KDM4B: variants seen among roughly 807,000 people sequenced by gnomAD.
The protein encoded by KDM4B is lysine demethylase 4B.
KDM4B carries 32 observed loss-of-function variants against 125.2 expected under a neutral mutation model. The observed-to-expected ratio is 0.26, with a 90% CI of 0.19 to 0.34. The LOEUF is 0.34. Among genes scored for constraint, KDM4B ranks in the 10% least tolerant of loss-of-function variants. KDM4B has a pLI of 1.00. For synonymous variants in KDM4B, 721 were observed against 677.9 expected, an observed-to-expected ratio of 1.06 and a Z score of -0.99; for missense variants, 1,190 against 1,577.7, an observed-to-expected ratio of 0.75 and a Z score of 4.16.
intron 11 of KDM4B, among the ~76,000 whole-genome samples, chr19:5,128,526 A>T (rs971202672): frequency 7.9e-5 from 12 of 152,154 alleles, no homozygotes; most frequent in Non-Finnish European, 1.8e-4. Flanking sequence ...TGGACGAAGG[A>T]ATATTGGATT....
At chr19:5,106,933 C>T (rs983635573) in intron 9 of KDM4B, among the ~76,000 whole-genome samples, 2 of 152,162 alleles carry the variant, frequency 1.3e-5, no homozygotes, top group African/African-American at 2.4e-5. Flanking sequence ...AGAGGCTGAC[C>T]CCAAGGCAGG....
chr19:5,128,793 G>A (rs978196188), intron 11 of KDM4B, among the ~76,000 whole-genome samples: 7 of 147,328 alleles, frequency 4.8e-5, no homozygotes, highest in African/African-American at 1.5e-4. Flanking sequence ...CCTGTCTGCT[G>A]TGTCCAGTGT....
At chr19:4,988,618 A>G (rs1469792969) in intron 1 of KDM4B, among the ~76,000 whole-genome samples, 1 of 152,144 alleles carries the variant, frequency 6.6e-6, no homozygotes, top group Non-Finnish European at 1.5e-5. Context: ...GCACCTCTCA[A>G]AACTCAGGGG....
chr19:4,975,695 C>T (rs2145293599), intron 1 of KDM4B, among the ~76,000 whole-genome samples: 1 of 150,734 alleles, frequency 6.6e-6, no homozygotes, highest in African/African-American at 2.4e-5. Context: ...CGGATTCAAG[C>T]GATTCTCCTA....
intron 1 of KDM4B, among the ~76,000 whole-genome samples, chr19:4,974,919 CTTTCTTCCTCCT>C (rs941624204): frequency 5.3e-5 from 8 of 152,184 alleles, no homozygotes; most frequent in African/African-American, 1.9e-4. Flanking sequence ...CCTTTCCTCC[CTTTCTTCCTCCT>C]GCACCTGCTC....
chr19:5,017,076 C>G (rs1321284924), intron 2 of KDM4B, among the ~76,000 whole-genome samples: 1 of 152,226 alleles, frequency 6.6e-6, no homozygotes, highest in Non-Finnish European at 1.5e-5. Flanking sequence ...TGCGGCGTCG[C>G]CCTTGGATTG....
At chr19:5,026,333 TTTTTGA>T (rs1260796913) in intron 2 of KDM4B, among the ~76,000 whole-genome samples, 1 of 151,942 alleles carries the variant, frequency 6.6e-6, no homozygotes, top group East Asian at 1.9e-4. Context: ...CCTTAAAATG[TTTTTGA>T]GATGATCTGG....
At chr19:5,137,844 G>T in intron 17 of KDM4B, 118 bp from the exon 18 acceptor site, 2 of 1,062,794 alleles carry the variant, frequency 1.9e-6, no homozygotes, top group South Asian at 3.0e-5. Context: ...CGCCTGCACC[G>T]ACCTTCCTGA....
intron 11 of KDM4B, among the ~76,000 whole-genome samples, chr19:5,128,817 C>T (rs1278638496): frequency 1.4e-5 from 2 of 145,428 alleles, no homozygotes; most frequent in Non-Finnish European, 3.0e-5. Flanking sequence ...CCTCCCCTGG[C>T]CAGATAACAG....
At chr19:5,045,632 G>A (rs2037001969) in intron 5 of KDM4B, among the ~76,000 whole-genome samples, 1 of 151,302 alleles carries the variant, frequency 6.6e-6, no homozygotes, top group Admixed American at 6.6e-5. Flanking sequence ...CCACCACCAC[G>A]CCCAGCTAAT....
chr19:5,136,925 G>C (rs545885064), intron 15 of KDM4B, among the ~76,000 whole-genome samples: 14 of 152,288 alleles, frequency 9.2e-5, no homozygotes, highest in Admixed American at 3.9e-4. Context: ...GCTGCTGTTG[G>C]GGGTGCAGAC....
Position 5,144,853 on chromosome 19 carries a change from A to G in KDM4B, c.2972A>G (p.Asn991Ser), listed in dbSNP as rs774443281. ...ELVELRWTDG[N>S]LYKAKFISSV... ...GTGGAGCTCCGGTGGACTGACGGCAACCTCTACAAGGCCAAGTTCATCTCC... is the reference window on the plus strand; with the variant it reads ...GTGGAGCTCCGGTGGACTGACGGCAGCCTCTACAAGGCCAAGTTCATCTCC... The change falls in exon 21 of 23, where the codon AAC becomes AGC. Residue 991 changes from asparagine (N) to serine (S), a missense_variant. Around this residue, in one of 7 missense-constraint regions of KDM4B, gnomAD observed 298 missense variants for 439.7 expected, o/e 0.68. Transcript: ENST00000159111. 5.6e-6 allele frequency: 9 copies of G among 1,612,834 alleles called. No homozygotes were observed. In the East Asian group the frequency reaches 1.6e-4, roughly 28 times the overall value.
chr19:5,041,044 T>C (rs1052274588), intron 4 of KDM4B, 93 bp from the exon 5 acceptor site: 77 of 781,102 alleles, frequency 9.9e-5, no homozygotes, highest in Non-Finnish European at 1.6e-4. Flanking sequence ...CTCCCGCCTC[T>C]TTCATGGGTG....
intron 2 of KDM4B, among the ~76,000 whole-genome samples, chr19:5,022,558 G>T (rs1197908363): frequency 6.6e-6 from 1 of 152,180 alleles, no homozygotes; most frequent in African/African-American, 2.4e-5. Flanking sequence ...CATTGGGAGT[G>T]CCAGCAACTG....
chr19:5,000,275 GTCCA>G (rs1295327556), intron 1 of KDM4B, among the ~76,000 whole-genome samples: 1 of 127,428 alleles, frequency 7.8e-6, no homozygotes, highest in African/African-American at 3.0e-5. Context: ...TCACATATCC[GTCCA>G]TCCATCTATT....
chr19:5,032,898 C>G lies in KDM4B; in HGVS notation c.8C>G (p.Ser3Cys). 1 of 1,614,140 alleles carries G rather than the reference C, an allele frequency of 6.2e-7. No homozygotes were observed. Among genetic ancestry groups the G allele is most frequent in the Non-Finnish European group, 8.5e-7 (1 of 1,180,018 alleles). The change falls in exon 3 of 23, where the codon TCT (serine) becomes TGT (cysteine). Residue 3 changes from serine to cysteine, a missense_variant. Around this residue, in one of 7 missense-constraint regions of KDM4B, gnomAD observed 139 missense variants for 248.3 expected, o/e 0.56. Coordinates refer to ENST00000159111, the MANE Select transcript of KDM4B (RefSeq NM_015015.3). The part of the protein sequence containing the change: MG[S>C]EDHGAQNPSC... The stretch of plus-strand genomic sequence containing the variant: ...TCCCGCACAGCTGCAGCCATGGGGT[C>G]TGAGGACCACGGCGCCCAGAACCCC...
chr19:5,149,088 G>A (rs1295328927), intron 21 of KDM4B, among the ~76,000 whole-genome samples: 4 of 152,210 alleles, frequency 2.6e-5, no homozygotes, highest in Non-Finnish European at 1.5e-5. Context: ...CAGGGCCTAC[G>A]TCTGTCTCCA....
intron 11 of KDM4B, among the ~76,000 whole-genome samples, chr19:5,125,550 G>A (rs1014942400): frequency 7.9e-5 from 12 of 152,144 alleles, no homozygotes; most frequent in African/African-American, 2.9e-4. Context: ...AGATGTACAG[G>A]GCAACTCGCT....
In KDM4B at chr19:5,133,928, C is replaced by A. The variant is rs1446663105; in HGVS notation, c.1952C>A (p.Ala651Asp). ...SGEEDVSDPDALRPLLSLQWK... is the reference protein window; with the variant it reads ...SGEEDVSDPDDLRPLLSLQWK... ...GAGGAAGATGTGAGTGACCCGGACGCCTTGAGGCCGCTGCTGTCTCTGCAG... is the reference window on the plus strand; with the variant it reads ...GAGGAAGATGTGAGTGACCCGGACGACTTGAGGCCGCTGCTGTCTCTGCAG... Residue 651 changes from alanine (A) to aspartate (D), a missense_variant, in exon 14 of 23, where the codon GCC becomes GAC. Transcript: ENST00000159111. 1.2e-6 allele frequency: 2 copies of A among 1,613,152 alleles called. No individual in the cohort carries two copies. The highest frequency in any genetic ancestry group is 1.1e-5 in the South Asian group (1 of 91,084).
Sources: gnomAD v4.1 joint callset for allele counts (sites outside exome capture counted in the v4.1 genomes callset) on GRCh38, gnomAD v4.1.1 for gene constraint, gnomAD v4.1.1 regional missense constraint, MANE v1.5 for transcripts, NCBI Gene and HGNC (gene_info 2026-07-23, HGNC 2026-07-21) for gene names.